Variants in TMEM132D observed in about 807,000 individuals in gnomAD.
TMEM132D encodes the protein transmembrane protein 132D.
In TMEM132D, 21 loss-of-function variants were observed where a neutral mutation model predicts 62.3. That is an observed-to-expected ratio of 0.34 (90% CI 0.24 to 0.49). TMEM132D has a LOEUF of 0.49. Ranked by LOEUF, TMEM132D falls within the 20% of genes least tolerant of loss-of-function variation. The probability of loss-of-function intolerance (pLI) is 0.99; values close to 1 mark genes in which losing one functional copy is unlikely to be tolerated. For synonymous variants in TMEM132D, 621 were observed against 575.6 expected (o/e 1.08, Z -1.13); for missense variants, 1,346 against 1,402.8 (o/e 0.96, Z 0.65).
intron 4 of TMEM132D, among the ~76,000 whole-genome samples, chr12:129,317,652 G>C (rs1442182086): frequency 6.6e-6 from 1 of 152,140 alleles, no homozygotes; most frequent in Non-Finnish European, 1.5e-5. Flanking sequence ...GAATTTCCCA[G>C]GTGTTTTTTA....
chr12:129,654,990 C>A (rs1593107147), intron 2 of TMEM132D, among the ~76,000 whole-genome samples: 1 of 152,040 alleles, frequency 6.6e-6, no homozygotes, highest in East Asian at 1.9e-4. Context: ...CTCTGTCGCC[C>A]AGGCTGGAGT....
intron 3 of TMEM132D, among the ~76,000 whole-genome samples, chr12:129,339,664 A>T (rs938238889): frequency 6.6e-5 from 10 of 152,198 alleles, no homozygotes; most frequent in African/African-American, 2.4e-4. Context: ...AGAACTTGGA[A>T]TTAAGATGCT....
At chr12:129,483,784 C>T (rs1019248581) in intron 3 of TMEM132D, among the ~76,000 whole-genome samples, 5 of 152,140 alleles carry the variant, frequency 3.3e-5, no homozygotes, top group South Asian at 2.1e-4. Context: ...TTCATGGCTG[C>T]GTGAGAGCAT....
rs188659204 is a variant in TMEM132D at position 129,095,809 on chromosome 12, C to T, written c.1444-11107G>A. 2.2e-4 allele frequency among the ~76,000 whole-genome samples: 33 copies of T among 152,298 alleles called. No individual in the cohort carries two copies. In the East Asian group the frequency reaches 6.4e-3, roughly 29 times the overall value. On this transcript the variant is annotated intron_variant, in intron 5 of 8. Transcript: ENST00000422113. ...CCCGCACACACCTAATCTCTGACTT[C>T]CAGCATCTGCAACTGTGAGAAAATG...
At chr12:129,182,700 A>G (rs1426369025) in intron 5 of TMEM132D, among the ~76,000 whole-genome samples, 2 of 152,248 alleles carry the variant, frequency 1.3e-5, no homozygotes, top group Non-Finnish European at 2.9e-5. Flanking sequence ...CTTCCCAGAA[A>G]TACTTGGGAT....
At chr12:129,781,367 C>T (rs182097032) in intron 1 of TMEM132D, among the ~76,000 whole-genome samples, 1 of 152,288 alleles carries the variant, frequency 6.6e-6, no homozygotes, top group Non-Finnish European at 1.5e-5. Flanking sequence ...AGGTATGAGA[C>T]ATGTTTCTCA....
intron 1 of TMEM132D, among the ~76,000 whole-genome samples, chr12:129,813,825 G>A (rs1280358820): frequency 2.0e-5 from 3 of 151,938 alleles, no homozygotes; most frequent in Non-Finnish European, 4.4e-5. Context: ...GAAAGTTATG[G>A]AAAATAAGAT....
At chr12:129,431,220 C>G (rs973505647) in intron 3 of TMEM132D, among the ~76,000 whole-genome samples, 4 of 152,200 alleles carry the variant, frequency 2.6e-5, no homozygotes, top group African/African-American at 9.6e-5. Flanking sequence ...GATAAGGACG[C>G]GGAGCTTCAG....
At chr12:129,901,354 C>A (rs556430938) in intron 1 of TMEM132D, among the ~76,000 whole-genome samples, 11 of 152,236 alleles carry the variant, frequency 7.2e-5, no homozygotes, top group Non-Finnish European at 1.3e-4. Flanking sequence ...CATGAAATTC[C>A]ATTTTATGCA....
At chr12:129,618,131 C>T (rs1878971397) in intron 2 of TMEM132D, among the ~76,000 whole-genome samples, 1 of 152,186 alleles carries the variant, frequency 6.6e-6, no homozygotes, top group African/African-American at 2.4e-5. Context: ...AATTTAATTA[C>T]ATAAGCCAAC....
intron 2 of TMEM132D, among the ~76,000 whole-genome samples, chr12:129,582,897 T>C (rs1350325018): frequency 6.6e-6 from 1 of 152,100 alleles, no homozygotes; most frequent in Non-Finnish European, 1.5e-5. Flanking sequence ...AGTGCTGGGA[T>C]TATAGGCATT....
rs1875463884 is a variant in TMEM132D, at chr12:129,903,918, C to A, written c.-579G>T. 6.8e-6 allele frequency among the ~76,000 whole-genome samples: 1 copy of A among 147,518 alleles called. No homozygotes were observed. Among genetic ancestry groups the A allele is most frequent in the Non-Finnish European group, 1.5e-5 (1 of 66,272 alleles). Reference sequence around the variant, plus strand: ...CTCGGGGCTCGGGCGCGCGCGCGCTCCGGCACCCAAAGTTTGGCGGGTGCG... The same window carrying A: ...CTCGGGGCTCGGGCGCGCGCGCGCTACGGCACCCAAAGTTTGGCGGGTGCG... On this transcript the variant is annotated 5_prime_UTR_variant, in exon 1 of 9. Coordinates refer to ENST00000422113, the MANE Select transcript of TMEM132D (RefSeq NM_133448.3). This position sits in a 1 kb window ranked among gnomAD's most constrained non-coding sequence, Gnocchi z 6.2.
rs1791261622 is a variant in TMEM132D at position 129,337,755 on chromosome 12, A to G, written c.1178T>C (p.Leu393Pro). Residue 393 changes from leucine (L) to proline (P), a missense_variant, in exon 4 of 9, where the codon CTG becomes CCG. Transcript: ENST00000422113. ...IDVEVEEPGDLPATQLVTWQV... is the reference protein window; with the variant it reads ...IDVEVEEPGDPPATQLVTWQV... ...CCACGTGACCAGCTGTGTGGCTGGCAGGTCACCAGGCTCTTCCACCTCCAC... is the reference window on the plus strand; with the variant it reads ...CCACGTGACCAGCTGTGTGGCTGGCGGGTCACCAGGCTCTTCCACCTCCAC... 1 of 1,614,140 alleles carries G rather than the reference A, an allele frequency of 6.2e-7. No individual in the cohort carries two copies. The highest frequency in any genetic ancestry group is 8.5e-7 in the Non-Finnish European group (1 of 1,179,998).
chr12:129,078,466 G>C (rs1414163134), intron 8 of TMEM132D, 68 bp downstream of exon 8: 7 of 1,516,896 alleles, frequency 4.6e-6, no homozygotes, highest in Non-Finnish European at 5.4e-6. Context: ...CTGGCGTGGT[G>C]CCTGCCTGGT....
chr12:129,242,785 C>G (rs1335011677), intron 4 of TMEM132D, among the ~76,000 whole-genome samples: 1 of 151,930 alleles, frequency 6.6e-6, no homozygotes, highest in African/African-American at 2.4e-5. Context: ...CGGTAATTAT[C>G]CCTGAGATTT....
chr12:129,647,849 A>G (rs921701992), intron 2 of TMEM132D, among the ~76,000 whole-genome samples: 1 of 152,190 alleles, frequency 6.6e-6, no homozygotes, highest in Non-Finnish European at 1.5e-5. Flanking sequence ...TGTAAAGAAT[A>G]TAACAGTGAG....
At chr12:129,352,152 A>C (rs1869887821) in intron 3 of TMEM132D, among the ~76,000 whole-genome samples, 3 of 152,170 alleles carry the variant, frequency 2.0e-5, no homozygotes, top group Non-Finnish European at 4.4e-5. Flanking sequence ...CAAGATGTTT[A>C]TGGGTAAGGG....
At position 129,558,247 on chromosome 12, in the gene TMEM132D, C is replaced by T. The variant is rs546163497; in HGVS notation, c.969-27042G>A. On this transcript the variant is annotated intron_variant, in intron 2 of 8. Coordinates refer to ENST00000422113, the MANE Select transcript of TMEM132D (RefSeq NM_133448.3). ...AATGAAGAGACAGCATGAAAGATCA[C>T]ATTCTGGCTCAGAAATGCTTCTACA... 4.6e-5 allele frequency among the ~76,000 whole-genome samples: 7 copies of T among 152,332 alleles called. No homozygotes were observed. In the South Asian group the frequency reaches 1.4e-3, roughly 32 times the overall value.
At chr12:129,500,857 G>A (rs988502293) in intron 3 of TMEM132D, among the ~76,000 whole-genome samples, 2 of 152,098 alleles carry the variant, frequency 1.3e-5, no homozygotes, top group East Asian at 3.9e-4. Flanking sequence ...TCCTTTGTAG[G>A]TACCTGATAA....
Sources: allele counts gnomAD v4.1 joint callset (sites outside exome capture counted in the v4.1 genomes callset), GRCh38; gene constraint gnomAD v4.1.1; non-coding constraint Gnocchi (gnomAD v3.1); transcripts MANE v1.5; gene names NCBI Gene and HGNC (gene_info 2026-07-23, HGNC 2026-07-21).